The following NLRP4 variants were observed in gnomAD, a reference collection of about 807,000 sequenced individuals.
NLRP4 encodes NACHT, LRR and PYD domains-containing protein 4.
Under a neutral mutation model 84.7 loss-of-function variants are expected in NLRP4, and 44 were observed. That is an observed-to-expected ratio of 0.52 (90% CI 0.41 to 0.67). The LOEUF (loss-of-function observed/expected upper bound fraction) is 0.67, where lower values mean the gene tolerates loss of function less well. Ranked by LOEUF, NLRP4 falls within the 30% of genes least tolerant of loss-of-function variation. The pLI is 0.00. For missense variants in NLRP4, 1,260 were observed against 1,219.4 expected, an observed-to-expected ratio of 1.03 and a Z score of -0.50; for synonymous variants, 544 against 476.4, an observed-to-expected ratio of 1.14 and a Z score of -1.85.
At position 55,840,338 on chromosome 19, in the gene NLRP4, A is replaced by ATG. The variant is rs776659188; in HGVS notation, c.-66+3408_-66+3409dup. On this transcript the variant is annotated intron_variant, in intron 1 of 9. Coordinates refer to ENST00000301295, the MANE Select transcript of NLRP4 (RefSeq NM_134444.5). ...GGTGTGTGTGTATAGACATATGTGTATGTGTATGTGTGTGTGTGTGTGTGT... is the reference window on the plus strand; with the variant it reads ...GGTGTGTGTGTATAGACATATGTGTATGTGTGTATGTGTGTGTGTGTGTGTGT... Among the ~76,000 whole-genome samples the ATG allele has an allele frequency of 3.0e-3, 417 of 137,026 alleles. 1 individual carries two copies. Among genetic ancestry groups the ATG allele is most frequent in the African/African-American group, 0.011 (395 of 35,888 alleles). 89.9% of individuals were successfully genotyped at this position (137,026 alleles called of 152,430 possible).
At chr19:55,856,061 T>G (rs1264715785) in intron 2 of NLRP4, among the ~76,000 whole-genome samples, 1 of 152,222 alleles carries the variant, frequency 6.6e-6, no homozygotes, top group East Asian at 1.9e-4. Context: ...TGGTGCAATC[T>G]CTGCTCACTG....
chr19:55,845,509 C>A (rs1245447374), intron 1 of NLRP4, among the ~76,000 whole-genome samples: 1 of 149,304 alleles, frequency 6.7e-6, no homozygotes, highest in African/African-American at 2.5e-5. Context: ...GTCTTTATAG[C>A]AGCATGATTT....
intron 1 of NLRP4, among the ~76,000 whole-genome samples, chr19:55,839,020 A>G (rs2122987816): frequency 6.6e-6 from 1 of 150,762 alleles, no homozygotes; most frequent in East Asian, 2.0e-4. Context: ...CAGGTTTGTT[A>G]CATAGGTGTA....
Position 55,858,316 on chromosome 19 carries a change from T to C in NLRP4, c.923T>C (p.Leu308Ser). 1 of 1,614,126 alleles carries C rather than the reference T, an allele frequency of 6.2e-7. No homozygotes were observed. Among genetic ancestry groups the C allele is most frequent in the Non-Finnish European group, 8.5e-7 (1 of 1,180,000 alleles). ...CGGGGATTCAACGAGAGTGATAGGT[T>C]AGTGTATTTCTGCTGTTTCTTCAAA... ...QPRGFNESDR[L>S]VYFCCFFKDP... Residue 308 changes from leucine to serine, a missense_variant, in exon 3 of 10, where the codon TTA (leucine) becomes TCA (serine). Transcript: ENST00000301295. This position sits in a 1 kb window ranked among gnomAD's most constrained non-coding sequence, Gnocchi z 4.2.
At chr19:55,881,367 G>T (rs904587112) in intron 9 of NLRP4, 103 bp from the exon 10 acceptor site, 22 of 639,338 alleles carry the variant, frequency 3.4e-5, no homozygotes, top group Middle Eastern at 2.7e-4. Flanking sequence ...TAACACCAGG[G>T]TTTCCTAGGC....
chr19:55,863,689 G>T (rs1984849194), intron 5 of NLRP4, among the ~76,000 whole-genome samples: 9 of 152,160 alleles, frequency 5.9e-5, no homozygotes. Context: ...CTTTTGTTAA[G>T]ATAGTGAAGG....
intron 1 of NLRP4, among the ~76,000 whole-genome samples, chr19:55,848,490 A>G (rs1228562115): frequency 6.6e-6 from 1 of 151,802 alleles, no homozygotes; most frequent in Non-Finnish European, 1.5e-5. Context: ...TGCAACCTCC[A>G]CCTCCTGGGT....
intron 1 of NLRP4, among the ~76,000 whole-genome samples, chr19:55,841,154 T>A (rs1000682626): frequency 2.0e-5 from 3 of 152,222 alleles, no homozygotes; most frequent in African/African-American, 7.2e-5. Context: ...ACTCAAAATC[T>A]TCTAGCTATT....
chr19:55,875,271 C>A (rs58193711), intron 7 of NLRP4, among the ~76,000 whole-genome samples: 4 of 152,158 alleles, frequency 2.6e-5, no homozygotes, highest in African/African-American at 9.7e-5. Flanking sequence ...AACCTGTAAT[C>A]TTTGAAGAAA....
intron 3 of NLRP4, among the ~76,000 whole-genome samples, chr19:55,860,642 G>A (rs181881347): frequency 1.4e-4 from 21 of 152,170 alleles, no homozygotes; most frequent in African/African-American, 4.8e-4. Context: ...TGAGGAAACT[G>A]GGGCAAAGAA....
At position 55,842,133 on chromosome 19, in the gene NLRP4, C is replaced by A. The variant is rs569368946; in HGVS notation, c.-66+5199C>A. ...TAGCCATTCTAACGGGGTGAGTTACCCCAGATTTTTTAGGTTCAAATTTGC... is the reference window on the plus strand; with the variant it reads ...TAGCCATTCTAACGGGGTGAGTTACACCAGATTTTTTAGGTTCAAATTTGC... On this transcript the variant is annotated intron_variant, in intron 1 of 9. Transcript: ENST00000301295. Among the ~76,000 whole-genome samples, 38 of 152,196 alleles carry A rather than the reference C, an allele frequency of 2.5e-4. 1 individual carries two copies. Among genetic ancestry groups the A allele is most frequent in the African/African-American group, 8.9e-4 (37 of 41,538 alleles).
At chr19:55,859,926 CAAAAAA>C (rs1166037425) in intron 3 of NLRP4, among the ~76,000 whole-genome samples, 8 of 17,490 alleles carry the variant, frequency 4.6e-4, no homozygotes, top group East Asian at 1.9e-3. Context: ...CTCTCATCTC[CAAAAAA>C]AAAAAAAAAA....
At position 55,877,567 on chromosome 19, in the gene NLRP4, G is replaced by A. The variant is rs572350133; in HGVS notation, c.2696+401G>A. ...ATGGCATCTGTATCAGTTTGCCAGG[G>A]TTTAAAAAGTAGCATGGACTGGGTG... On this transcript the variant is annotated intron_variant, in intron 8 of 9. Coordinates refer to ENST00000301295, the MANE Select transcript of NLRP4 (RefSeq NM_134444.5). 3.9e-5 allele frequency among the ~76,000 whole-genome samples: 6 copies of A among 152,294 alleles called. No individual in the cohort carries two copies. The South Asian group carries it at 1.2e-3, about 32-fold the overall frequency.
In NLRP4 at chr19:55,849,855, T is replaced by A. The variant is rs367704629; in HGVS notation, c.-65-2161T>A. Among the ~76,000 whole-genome samples the A allele has an allele frequency of 2.7e-4, 36 of 134,458 alleles. 1 individual carries two copies. Among genetic ancestry groups the A allele is most frequent in the East Asian group, 1.7e-3 (8 of 4,676 alleles). 88.2% of individuals were successfully genotyped at this position (134,458 alleles called of 152,430 possible). A position where few individuals can be genotyped will look rare whatever the true frequency, so the allele number is the denominator to read the frequency against. On this transcript the variant is annotated intron_variant, in intron 1 of 9. Transcript: ENST00000301295. ...GAAGCTGCGGTGTAATTTCCGAGAC[T>A]GCGGTGTAATTTCCGTGGCCGCGGT...
chr19:55,841,724 G>C (rs1204565873), intron 1 of NLRP4, among the ~76,000 whole-genome samples: 1 of 152,036 alleles, frequency 6.6e-6, no homozygotes, highest in Non-Finnish European at 1.5e-5. Flanking sequence ...AGTTAGCCGG[G>C]CATGGTGGCA....
At position 55,870,759 on chromosome 19, in the gene NLRP4, A is replaced by C. The variant is rs953869107; in HGVS notation, c.2355-68A>C. 1.8e-5 allele frequency: 21 copies of C among 1,156,394 alleles called. No individual in the cohort carries two copies. The African/African-American group carries it at 3.0e-4, about 17-fold the overall frequency. 71.6% of individuals were successfully genotyped at this position (1,156,394 alleles called of 1,614,324 possible). On this transcript the variant is annotated intron_variant, in intron 6 of 9. Coordinates refer to ENST00000301295, the MANE Select transcript of NLRP4 (RefSeq NM_134444.5). ...TATAGAAATATTACCCTGAATGTGAAATTAAGCAAATCTCCCTGAGACACC... is the reference window on the plus strand; with the variant it reads ...TATAGAAATATTACCCTGAATGTGACATTAAGCAAATCTCCCTGAGACACC...
chr19:55,873,321 T>G (rs1292832442), intron 7 of NLRP4, among the ~76,000 whole-genome samples: 1 of 151,882 alleles, frequency 6.6e-6, no homozygotes, highest in Non-Finnish European at 1.5e-5. Flanking sequence ...AAGGGGTAAA[T>G]TAAGGTGAAT....
intron 1 of NLRP4, among the ~76,000 whole-genome samples, chr19:55,843,878 G>A (rs1983702294): frequency 6.6e-6 from 1 of 152,006 alleles, no homozygotes; most frequent in African/African-American, 2.4e-5. Flanking sequence ...ACAAGTGTTA[G>A]CCCTTTTCAT....
intron 6 of NLRP4, among the ~76,000 whole-genome samples, chr19:55,868,818 A>G (rs1293559466): frequency 6.6e-6 from 1 of 152,180 alleles, no homozygotes; most frequent in Non-Finnish European, 1.5e-5. Context: ...GCTGGGAGAT[A>G]GGGGAGGATG....
Sources: allele counts gnomAD v4.1 joint callset (sites outside exome capture counted in the v4.1 genomes callset), GRCh38; gene constraint gnomAD v4.1.1; non-coding constraint Gnocchi (gnomAD v3.1); transcripts MANE v1.5; gene names NCBI Gene and HGNC (gene_info 2026-07-23, HGNC 2026-07-21).